INPP5D: variants seen among roughly 807,000 people sequenced by gnomAD.
INPP5D encodes inositol polyphosphate-5-phosphatase D.
In INPP5D, 33 loss-of-function variants were observed where a neutral mutation model predicts 122.9. That is an observed-to-expected ratio of 0.27 (90% CI 0.20 to 0.36). The LOEUF is 0.36. Ranked by LOEUF, INPP5D falls within the 10% of genes least tolerant of loss-of-function variation. The pLI is 1.00. For missense variants in INPP5D, 1,053 were observed against 1,412.7 expected, an observed-to-expected ratio of 0.75 and a Z score of 4.08; for synonymous variants, 584 against 576.2, an observed-to-expected ratio of 1.01 and a Z score of -0.19.
At chr2:233,158,792 C>T (rs1051382732) in intron 10 of INPP5D, among the ~76,000 whole-genome samples, 5 of 152,076 alleles carry the variant, frequency 3.3e-5, no homozygotes, top group African/African-American at 1.2e-4. Flanking sequence ...GATTGACTGA[C>T]TGACTTGAGA....
intron 23 of INPP5D, among the ~76,000 whole-genome samples, chr2:233,194,488 CTTT>C (rs544200839): frequency 2.3e-5 from 2 of 88,712 alleles, no homozygotes; most frequent in African/African-American, 4.8e-5. Flanking sequence ...TTCTAAACTG[CTTT>C]TTTTTTTTTT....
chr2:233,154,614 GT>G (rs1694000136), intron 9 of INPP5D, among the ~76,000 whole-genome samples: 1 of 152,220 alleles, frequency 6.6e-6, no homozygotes, highest in African/African-American at 2.4e-5. Flanking sequence ...ATGTCTACGT[GT>G]GTGTATTCAT....
Position 233,169,296 on chromosome 2 carries a change from T to G in INPP5D, c.1556-9T>G. ...ATATTTTGATTCTTCTTTCTGCTCT[T>G]CTTTTTAGGGAACAAGGGAGCCGTG... On this transcript the variant is annotated splice_polypyrimidine_tract_variant and intron_variant, in intron 13 of 26. Transcript: ENST00000445964. 2 of 1,594,034 alleles carry G rather than the reference T, an allele frequency of 1.3e-6. No homozygotes were observed. Among genetic ancestry groups the G allele is most frequent in the Non-Finnish European group, 1.7e-6 (2 of 1,169,642 alleles).
At chr2:233,157,818 G>A (rs36179371) in intron 9 of INPP5D, among the ~76,000 whole-genome samples, 93,280 of 151,954 alleles carry the variant, frequency 0.61, 30,067 homozygotes, top group East Asian at 0.98. Context: ...TTGGTTGCCT[G>A]TAGGGAGCTG....
chr2:233,130,700 G>T (rs761111248), intron 5 of INPP5D, 52 bp downstream of exon 5: 1 of 1,602,014 alleles, frequency 6.2e-7, no homozygotes, highest in East Asian at 2.2e-5. Flanking sequence ...CCAGGTGAGA[G>T]AAACAGCTCA....
Position 233,189,227 on chromosome 2 carries a change from G to A in INPP5D, c.2359-623G>A, listed in dbSNP as rs1559342881. 1.3e-5 allele frequency among the ~76,000 whole-genome samples: 2 copies of A among 152,186 alleles called. No homozygotes were observed. The highest frequency in any genetic ancestry group is 2.9e-5 in the Non-Finnish European group (2 of 68,030). On this transcript the variant is annotated intron_variant, in intron 21 of 26. Transcript: ENST00000445964. The surrounding 1 kb of genome is among the most constrained non-coding windows in gnomAD (Gnocchi z 5.6). Reference sequence around the variant, plus strand: ...ACTCCCCAGCTCTGGAAACTTGCTCGCAGATGGAATGTGGGAGCCTGTGTC... The same window carrying A: ...ACTCCCCAGCTCTGGAAACTTGCTCACAGATGGAATGTGGGAGCCTGTGTC...
At chr2:233,124,311 C>T (rs1693088253) in intron 3 of INPP5D, among the ~76,000 whole-genome samples, 1 of 152,178 alleles carries the variant, frequency 6.6e-6, no homozygotes, top group South Asian at 2.1e-4. Flanking sequence ...TGGGGGCTTG[C>T]TGCAGGCATC....
chr2:233,103,070 TAGCTTTC>T (rs1417783778), intron 2 of INPP5D, among the ~76,000 whole-genome samples: 3 of 152,210 alleles, frequency 2.0e-5, no homozygotes, highest in African/African-American at 7.2e-5. Flanking sequence ...AGTCATATCA[TAGCTTTC>T]ATTCTGTGTT....
At position 233,100,983 on chromosome 2, in the gene INPP5D, A is replaced by G. The variant is rs556388390; in HGVS notation, c.199-21124A>G. The stretch of plus-strand genomic sequence containing the variant: ...ACGGTAATCCCCTCCGTGTGCCCCC[A>G]ACGAGTCATTCACCATCTTGTGCTA... On this transcript the variant is annotated intron_variant, in intron 2 of 26. Transcript: ENST00000445964. This position sits in a 1 kb window ranked among gnomAD's most constrained non-coding sequence, Gnocchi z 5.3. Among the ~76,000 whole-genome samples the G allele has an allele frequency of 2.3e-5, 3 of 132,312 alleles. No individual in the cohort carries two copies. Among genetic ancestry groups the G allele is most frequent in the African/African-American group, 9.6e-5 (3 of 31,356 alleles). 86.8% of individuals were successfully genotyped at this position (132,312 alleles called of 152,430 possible). A position where few individuals can be genotyped will look rare whatever the true frequency, so the allele number is the denominator to read the frequency against.
rs550281868 is a variant in INPP5D at position 233,070,158 on chromosome 2, C to A, written c.135-9177C>A. Among the ~76,000 whole-genome samples, 48 of 152,228 alleles carry A rather than the reference C, an allele frequency of 3.2e-4. No homozygotes were observed. The South Asian group carries it at 9.9e-3, about 32-fold the overall frequency. On this transcript the variant is annotated intron_variant, in intron 1 of 26. Coordinates refer to ENST00000445964, the MANE Select transcript of INPP5D (RefSeq NM_001017915.3). ...TCAATTCTCTTTGCCATTTTTCTAT[C>A]GAAGCTATAGTTTTTCTGTTATCTA...
rs1421919257 is a variant in INPP5D at position 233,170,243 on chromosome 2, C to T, written c.1791+79C>T. 4.4e-5 allele frequency: 69 copies of T among 1,556,384 alleles called. 1 individual carries two copies. Among genetic ancestry groups the T allele is most frequent in the African/African-American group, 2.7e-5 (2 of 73,174 alleles). ...CTTGAGTCAGCTTGGGGCAGGTGGT[C>T]GTGGAGACATGTGAATCAAGTGGGC... On this transcript the variant is annotated intron_variant, in intron 15 of 26. Transcript: ENST00000445964. This position sits in a 1 kb window ranked among gnomAD's most constrained non-coding sequence, Gnocchi z 4.5.
rs541244987 is a variant in INPP5D, at chr2:233,179,208, G to A, written c.2071+1862G>A. 2.6e-5 allele frequency among the ~76,000 whole-genome samples: 4 copies of A among 152,296 alleles called. No homozygotes were observed. In the East Asian group the frequency reaches 7.7e-4, roughly 29 times the overall value. On this transcript the variant is annotated intron_variant, in intron 18 of 26. Coordinates refer to ENST00000445964, the MANE Select transcript of INPP5D (RefSeq NM_001017915.3). ...AGCTTCCAAAGCTCAAAGTGCCTGAGTCCTACCCTCTGCCTGCAGCCTCCT... is the reference window on the plus strand; with the variant it reads ...AGCTTCCAAAGCTCAAAGTGCCTGAATCCTACCCTCTGCCTGCAGCCTCCT...
At chr2:233,137,954 A>C (rs1032335108) in intron 5 of INPP5D, among the ~76,000 whole-genome samples, 3 of 46,830 alleles carry the variant, frequency 6.4e-5, no homozygotes, top group African/African-American at 1.5e-4. Flanking sequence ...TGATATAATG[A>C]TATTATATTA....
intron 13 of INPP5D, 52 bp from the exon 14 acceptor site, chr2:233,169,253 G>A: frequency 1.9e-6 from 3 of 1,553,136 alleles, no homozygotes; most frequent in Non-Finnish European, 2.6e-6. Flanking sequence ...CTGGCCCCTT[G>A]GCAAGTGTGT....
In INPP5D at chr2:233,204,320, C is replaced by T. The variant is rs758989076; in HGVS notation, c.3170C>T (p.Ser1057Leu). The T allele has an allele frequency of 3.1e-6, 5 of 1,611,400 alleles. No individual in the cohort carries two copies. Among genetic ancestry groups the T allele is most frequent in the East Asian group, 2.2e-5 (1 of 44,848 alleles). ...PPPCPEPGIL[S>L]PSIVLTKAQE... ...CCCTGCCCGGAACCCGGCATCTTGTCGCCCAGCATCGTGCTCACCAAAGCC... is the reference window on the plus strand; with the variant it reads ...CCCTGCCCGGAACCCGGCATCTTGTTGCCCAGCATCGTGCTCACCAAAGCC... The change falls in exon 26 of 27, where the codon TCG (serine) becomes TTG (leucine). Residue 1057 changes from serine to leucine, a missense_variant. Physicochemically the swap from Ser to Leu is moderately radical, Grantham distance 145. This residue lies in a region of INPP5D where 417 missense variants were observed against 425.8 expected (regional missense o/e 0.98). Transcript: ENST00000445964.
chr2:233,117,622 G>C (rs945010754), intron 2 of INPP5D, among the ~76,000 whole-genome samples: 1 of 152,118 alleles, frequency 6.6e-6, no homozygotes, highest in Non-Finnish European at 1.5e-5. Flanking sequence ...TATGAGTTCG[G>C]GGGGGCTGTA....
Position 233,128,436 on chromosome 2 carries a change from T to C in INPP5D, c.525-2072T>C, listed in dbSNP as rs1334210770. Among the ~76,000 whole-genome samples the C allele has an allele frequency of 6.6e-6, 1 of 152,196 alleles. No homozygotes were observed. Among genetic ancestry groups the C allele is most frequent in the South Asian group, 2.1e-4 (1 of 4,832 alleles). On this transcript the variant is annotated intron_variant, in intron 4 of 26. Coordinates refer to ENST00000445964, the MANE Select transcript of INPP5D (RefSeq NM_001017915.3). The surrounding 1 kb of genome is among the most constrained non-coding windows in gnomAD (Gnocchi z 4.5). The stretch of plus-strand genomic sequence containing the variant: ...AAATATAGAAGAACTTAAATGTAAA[T>C]GTTCTCTTCTCAATCTAACAAGTCA...
At chr2:233,117,690 G>A (rs377380307) in intron 2 of INPP5D, among the ~76,000 whole-genome samples, 1 of 152,106 alleles carries the variant, frequency 6.6e-6, no homozygotes, top group Non-Finnish European at 1.5e-5. Context: ...AAGTTCCCCC[G>A]TTTAATGAGA....
In INPP5D at chr2:233,146,384, C is replaced by T. The variant is rs543005069; in HGVS notation, c.852C>T (p.His284=). 19 of 704,286 alleles carry T rather than the reference C, an allele frequency of 2.7e-5. No homozygotes were observed. Among genetic ancestry groups the T allele is most frequent in the East Asian group, 1.1e-4 (4 of 37,424 alleles). 43.6% of individuals were successfully genotyped at this position (704,286 alleles called of 1,614,324 possible). ...GCCCACAGGTCAAGGCCTTGCTGCA[C>T]GAGGGTCCTGAGTCTCCGCACCGGC... ...SIEDKVKALL[H]EGPESPHRPS... Residue 284 remains histidine, a synonymous_variant, in exon 8 of 27, where the codon CAC becomes CAT. Transcript: ENST00000445964.
Sources: gnomAD v4.1 joint callset for allele counts (sites outside exome capture counted in the v4.1 genomes callset) on GRCh38, gnomAD v4.1.1 for gene constraint, gnomAD v4.1.1 regional missense constraint, Gnocchi (gnomAD v3.1) non-coding constraint, MANE v1.5 for transcripts, NCBI Gene and HGNC (gene_info 2026-07-23, HGNC 2026-07-21) for gene names.